Variants in SLIT1 observed in about 807,000 individuals in gnomAD.
SLIT1 encodes slit guidance ligand 1, also known as slit homolog 1 protein.
SLIT1 carries 66 observed loss-of-function variants against 186.1 expected under a neutral mutation model. The observed-to-expected ratio is 0.35, with a 90% CI of 0.29 to 0.44. The LOEUF (loss-of-function observed/expected upper bound fraction) is 0.44, where lower values mean the gene tolerates loss of function less well. Among genes scored for constraint, SLIT1 ranks in the 20% least tolerant of loss-of-function variants. SLIT1 has a pLI of 1.00. For missense variants in SLIT1, 1,638 were observed against 2,037.4 expected (o/e 0.80, Z 3.77); for synonymous variants, 761 against 833.8 (o/e 0.91, Z 1.50).
chr10:97,059,080 C>A (rs181485724), intron 11 of SLIT1, among the ~76,000 whole-genome samples: 48 of 152,314 alleles, frequency 3.2e-4, no homozygotes, highest in South Asian at 8.3e-4. Flanking sequence ...ACTGGCCCTG[C>A]GGTGACTGCA....
intron 4 of SLIT1, among the ~76,000 whole-genome samples, chr10:97,145,093 A>G (rs888160822): frequency 2.0e-5 from 3 of 152,104 alleles, no homozygotes; most frequent in Non-Finnish European, 4.4e-5. Flanking sequence ...ATGTGGGGGC[A>G]TGTACAGTAT....
chr10:97,042,154 G>T (rs961715967), intron 20 of SLIT1, among the ~76,000 whole-genome samples: 16 of 152,234 alleles, frequency 1.1e-4, no homozygotes, highest in Non-Finnish European at 2.2e-4. Context: ...CACGTGGCCT[G>T]GCCAGGCCAG....
chr10:97,057,858 T>C (rs1486313400), intron 11 of SLIT1: 1 of 605,884 alleles, frequency 1.7e-6, no homozygotes, highest in Non-Finnish European at 3.1e-6. Flanking sequence ...TAGACATGGG[T>C]GGGTTCAGGA....
rs1016654001 is a variant in SLIT1, at chr10:97,068,579, G to A, written c.414-2493C>T. 2.0e-5 allele frequency among the ~76,000 whole-genome samples: 3 copies of A among 152,122 alleles called. No individual in the cohort carries two copies. Among genetic ancestry groups the A allele is most frequent in the African/African-American group, 7.2e-5 (3 of 41,428 alleles). On this transcript the variant is annotated intron_variant, in intron 4 of 36. Transcript: ENST00000266058. The surrounding 1 kb of genome is among the most constrained non-coding windows in gnomAD (Gnocchi z 4.2). ...AGGCCCCATCTCCTGGAGGGGAGAT[G>A]GTTCAAGCCTGCAGCACAGACACAG... is the stretch of plus-strand genomic sequence containing the variant.
Position 97,043,475 on chromosome 10 carries a change from T to G in SLIT1, c.1892A>C (p.Asp631Ala), listed in dbSNP as rs970713148. ...RNNRISCIHN[D>A]SFTGLRNVRL... is the part of the protein sequence containing the mutation. ...GACGTTGCGCAGGCCCGTGAAGCTG[T>G]CGTTGTGGATGCAGCTGATGCGGTT... Residue 631 changes from aspartate (D) to alanine (A), a missense_variant, in exon 19 of 37, where the codon GAC becomes GCC. Physicochemically the swap from Asp to Ala is moderately radical, Grantham distance 126. Transcript: ENST00000266058. This position sits in a 1 kb window ranked among gnomAD's most constrained non-coding sequence, Gnocchi z 7.0. 6.2e-7 allele frequency: 1 copy of G among 1,613,780 alleles called. No individual in the cohort carries two copies. Among genetic ancestry groups the G allele is most frequent in the East Asian group, 2.2e-5 (1 of 44,878 alleles).
intron 26 of SLIT1, 34 bp from the exon 27 acceptor site, chr10:97,019,141 G>A (rs1848481332): frequency 2.2e-6 from 3 of 1,343,790 alleles, no homozygotes; most frequent in Non-Finnish European, 3.2e-6. Flanking sequence ...TGCAGGGGGA[G>A]GGGTGGGCAG....
In SLIT1 at chr10:97,037,712, C is replaced by CT; in HGVS notation, c.2351dup (p.Tyr785ValfsTer59). Reference sequence around the variant, plus strand: ...TGGATACTTACACGAGCTGCAGGTACTTGAAGGTAGACAGCTGTCCCGGAA... The same window carrying CT: ...TGGATACTTACACGAGCTGCAGGTACTTTGAAGGTAGACAGCTGTCCCGGAA... On this transcript the variant is annotated frameshift_variant, in exon 22 of 37. Transcript: ENST00000266058. LOFTEE classifies it high-confidence loss of function. 1 of 1,609,558 alleles carries CT rather than the reference C, an allele frequency of 6.2e-7. No homozygotes were observed. The highest frequency in any genetic ancestry group is 8.5e-7 in the Non-Finnish European group (1 of 1,176,352).
chr10:97,061,718 T>G (rs1848895220), intron 8 of SLIT1, among the ~76,000 whole-genome samples: 2 of 152,218 alleles, frequency 1.3e-5, no homozygotes, highest in Admixed American at 1.3e-4. Flanking sequence ...TTGGGGCTAT[T>G]ATGGAAAAAG....
At chr10:97,007,305 A>G (rs972551125) in intron 31 of SLIT1, among the ~76,000 whole-genome samples, 3 of 152,244 alleles carry the variant, frequency 2.0e-5, no homozygotes, top group African/African-American at 7.2e-5. Context: ...TAAAGGAATT[A>G]GTAATCAGAA....
intron 1 of SLIT1, among the ~76,000 whole-genome samples, chr10:97,165,777 A>T (rs1850097091): frequency 6.6e-6 from 1 of 152,108 alleles, no homozygotes; most frequent in Admixed American, 6.5e-5. Flanking sequence ...CCACCCCACC[A>T]TCTGGGTCCT....
At chr10:97,067,132 C>A (rs57374557) in intron 4 of SLIT1, among the ~76,000 whole-genome samples, 7,128 of 152,252 alleles carry the variant, frequency 0.047, 576 homozygotes, top group African/African-American at 0.16. Context: ...AGGGCACCTC[C>A]GAGAGCCTAG....
intron 4 of SLIT1, among the ~76,000 whole-genome samples, chr10:97,080,410 C>T (rs904083736): frequency 1.3e-5 from 2 of 152,278 alleles, no homozygotes; most frequent in African/African-American, 2.4e-5. Context: ...TCAGCCACAC[C>T]TTCCAAGTCA....
Position 97,164,809 on chromosome 10 carries a change from C to T in SLIT1, c.269+10G>A. 6.2e-7 allele frequency: 1 copy of T among 1,608,512 alleles called. No individual in the cohort carries two copies. The highest frequency in any genetic ancestry group is 8.5e-7 in the Non-Finnish European group (1 of 1,175,060). ...CAGGGGTGGGGTGGGAGGGAGCACC[C>T]CATACTCACAGCACCCGCAGCTGCT... On this transcript the variant is annotated intron_variant, in intron 2 of 36. Coordinates refer to ENST00000266058, the MANE Select transcript of SLIT1 (RefSeq NM_003061.3).
intron 4 of SLIT1, chr10:97,155,138 G>T (rs1849932838): frequency 6.6e-6 from 1 of 152,260 alleles, no homozygotes; most frequent in Admixed American, 6.5e-5. Flanking sequence ...CTGCAGGCTT[G>T]GTTATGTTAC....
intron 1 of SLIT1, among the ~76,000 whole-genome samples, chr10:97,179,984 C>CA (rs1402992084): frequency 1.3e-5 from 2 of 152,232 alleles, no homozygotes; most frequent in Middle Eastern, 3.2e-3. Context: ...CGCCAAGCAC[C>CA]CGTCTGCTCC....
chr10:97,119,777 T>C (rs1261646076), intron 4 of SLIT1, among the ~76,000 whole-genome samples: 1 of 151,314 alleles, frequency 6.6e-6, no homozygotes, highest in African/African-American at 2.4e-5. Flanking sequence ...CCCCATCAGC[T>C]AGATCAGTCC....
Position 97,004,654 on chromosome 10 carries a change from T to C in SLIT1, c.3710+39A>G, listed in dbSNP as rs762726087. On this transcript the variant is annotated intron_variant, in intron 33 of 36. Transcript: ENST00000266058. The surrounding 1 kb of genome is among the most constrained non-coding windows in gnomAD (Gnocchi z 5.1). ...AGGAGACCTCGCCCTGGCAGTCCCG[T>C]ACCCCTGAGGGCAGCTGGGGGGCAT... 3 of 1,613,046 alleles carry C rather than the reference T, an allele frequency of 1.9e-6. No individual in the cohort carries two copies. In the South Asian group the frequency reaches 3.3e-5, roughly 18 times the overall value.
At chr10:97,111,376 C>T (rs1299153330) in intron 4 of SLIT1, among the ~76,000 whole-genome samples, 7 of 152,126 alleles carry the variant, frequency 4.6e-5, no homozygotes, top group Admixed American at 3.3e-4. Context: ...CATCTACACA[C>T]GCTAGAGTCT....
At chr10:97,177,476 T>C (rs1850271766) in intron 1 of SLIT1, among the ~76,000 whole-genome samples, 1 of 152,242 alleles carries the variant, frequency 6.6e-6, no homozygotes, top group Admixed American at 6.5e-5. Context: ...CTTTGAATTC[T>C]ATGACTGTAG....
Sources: allele counts gnomAD v4.1 joint callset (sites outside exome capture counted in the v4.1 genomes callset), GRCh38; gene constraint gnomAD v4.1.1; non-coding constraint Gnocchi (gnomAD v3.1); transcripts MANE v1.5; gene names NCBI Gene and HGNC (gene_info 2026-07-23, HGNC 2026-07-21).